ST8SIA2: variants seen among roughly 807,000 people sequenced by gnomAD.
ST8SIA2 encodes ST8 alpha-N-acetyl-neuraminide alpha-2,8-sialyltransferase 2.
In ST8SIA2, 22 loss-of-function variants were observed where a neutral mutation model predicts 37.6. The observed-to-expected ratio is 0.58, with a 90% CI of 0.42 to 0.83. The LOEUF (loss-of-function observed/expected upper bound fraction) is 0.83, where lower values mean the gene tolerates loss of function less well. ST8SIA2 is among the 40% of genes least tolerant of loss of function. The pLI, the probability that ST8SIA2 is intolerant of heterozygous loss-of-function variation, is 0.00. For missense variants in ST8SIA2, 382 were observed against 484.7 expected (o/e 0.79, Z 1.99); for synonymous variants, 205 against 201.2 (o/e 1.02, Z -0.16).
intron 5 of ST8SIA2, among the ~76,000 whole-genome samples, chr15:92,451,150 G>A (rs997917431): frequency 2.6e-5 from 4 of 152,130 alleles, no homozygotes; most frequent in Non-Finnish European, 5.9e-5. Flanking sequence ...TTTGTATGAG[G>A]CCACCCAGCA....
At chr15:92,449,764 A>AT (rs1394414782) in intron 5 of ST8SIA2, among the ~76,000 whole-genome samples, 4 of 152,008 alleles carry the variant, frequency 2.6e-5, no homozygotes, top group Non-Finnish European at 5.9e-5. Flanking sequence ...GGTGAGCAGC[A>AT]TTTTTTCATG....
intron 5 of ST8SIA2, among the ~76,000 whole-genome samples, chr15:92,452,117 G>A (rs2141845099): frequency 6.6e-6 from 1 of 152,292 alleles, no homozygotes; most frequent in Non-Finnish European, 1.5e-5. Context: ...CTTTTACTTG[G>A]ATAGGGGAAC....
intron 1 of ST8SIA2, among the ~76,000 whole-genome samples, chr15:92,402,553 G>C (rs2049479259): frequency 6.6e-6 from 1 of 152,132 alleles, no homozygotes; most frequent in South Asian, 2.1e-4. Flanking sequence ...TATTTTCAAG[G>C]AATAAGCCTT....
At chr15:92,447,856 C>G (rs184015675) in intron 5 of ST8SIA2, among the ~76,000 whole-genome samples, 6 of 152,306 alleles carry the variant, frequency 3.9e-5, no homozygotes, top group African/African-American at 1.2e-4. Context: ...TTCACTTCAT[C>G]CCTGTCAGAG....
At chr15:92,394,468 G>A (rs1482594071) in intron 1 of ST8SIA2, among the ~76,000 whole-genome samples, 1 of 152,130 alleles carries the variant, frequency 6.6e-6, no homozygotes, top group Non-Finnish European at 1.5e-5. Flanking sequence ...GCGCAGTGTC[G>A]CCGGGGTCGA....
intron 5 of ST8SIA2, among the ~76,000 whole-genome samples, chr15:92,447,062 T>A (rs1462185999): frequency 2.0e-5 from 3 of 152,130 alleles, no homozygotes; most frequent in Non-Finnish European, 4.4e-5. Context: ...GCTGGAATAT[T>A]TGTTGGGAAG....
In ST8SIA2 at chr15:92,464,391, G is replaced by C. The variant is rs757463512; in HGVS notation, c.*6G>C. 1 of 1,613,002 alleles carries C rather than the reference G, an allele frequency of 6.2e-7. No homozygotes were observed. The highest frequency in any genetic ancestry group is 8.5e-7 in the Non-Finnish European group (1 of 1,180,030). The stretch of plus-strand genomic sequence containing the variant: ...AGTGCGATGGGGCCACGTAGGGTGG[G>C]CACCCCATGGGACTCAGTGGCTCAC... On this transcript the variant is annotated 3_prime_UTR_variant, in exon 6 of 6. Transcript: ENST00000268164.
chr15:92,422,838 G>C (rs1230810287), intron 1 of ST8SIA2: 1 of 152,538 alleles, frequency 6.6e-6, no homozygotes, highest in Non-Finnish European at 1.5e-5. Context: ...TTGTCAGCTG[G>C]TGGGACCTCT....
chr15:92,431,536 A>G (rs2049715815), intron 2 of ST8SIA2, among the ~76,000 whole-genome samples: 1 of 152,198 alleles, frequency 6.6e-6, no homozygotes, highest in Non-Finnish European at 1.5e-5. Flanking sequence ...GCATGAAAAG[A>G]AGGTCACTGG....
chr15:92,409,286 T>C (rs2049532226), intron 1 of ST8SIA2, among the ~76,000 whole-genome samples: 1 of 152,160 alleles, frequency 6.6e-6, no homozygotes, highest in Admixed American at 6.5e-5. Context: ...GGTTTTCAAA[T>C]CAATGCTGGT....
chr15:92,464,072 C>CTT (rs34156050), intron 5 of ST8SIA2, 28 bp from the exon 6 acceptor site: 115,953 of 1,213,968 alleles, frequency 0.096, 364 homozygotes, highest in Non-Finnish European at 0.098. Context: ...TGTTTCTTTT[C>CTT]TTTTTTTTTT....
chr15:92,456,665 G>A (rs1596250271), intron 5 of ST8SIA2, among the ~76,000 whole-genome samples: 3 of 152,194 alleles, frequency 2.0e-5, no homozygotes, highest in Non-Finnish European at 4.4e-5. Context: ...CACATAGGAC[G>A]TGTCATGGAA....
chr15:92,416,133 C>T (rs757322664), intron 1 of ST8SIA2, among the ~76,000 whole-genome samples: 1 of 146,386 alleles, frequency 6.8e-6, no homozygotes. Flanking sequence ...GCAGATAAGA[C>T]GGAGGCACAG....
chr15:92,404,499 A>C (rs929343608), intron 1 of ST8SIA2, among the ~76,000 whole-genome samples: 1 of 150,864 alleles, frequency 6.6e-6, no homozygotes, highest in Admixed American at 6.6e-5. Flanking sequence ...TGGTCCAGCA[A>C]TTCCACTTCT....
intron 1 of ST8SIA2, among the ~76,000 whole-genome samples, chr15:92,413,395 T>A (rs972111323): frequency 6.6e-6 from 1 of 152,226 alleles, no homozygotes; most frequent in Non-Finnish European, 1.5e-5. Flanking sequence ...TCAGTCTGAA[T>A]ATTCTGCGAG....
intron 1 of ST8SIA2, among the ~76,000 whole-genome samples, chr15:92,416,802 T>C (rs1019133016): frequency 1.3e-5 from 2 of 151,558 alleles, no homozygotes; most frequent in African/African-American, 4.9e-5. Context: ...GAAAAAAAAA[T>C]GCACATGTCC....
intron 1 of ST8SIA2, among the ~76,000 whole-genome samples, chr15:92,395,273 G>T (rs542741615): frequency 2.0e-5 from 3 of 152,338 alleles, no homozygotes; most frequent in Admixed American, 2.0e-4. Flanking sequence ...CGCTCTTCTC[G>T]AGTCCCGCGC....
rs1344409865 is a variant in ST8SIA2 at position 92,394,068 on chromosome 15, C to T, written c.4C>T (p.Gln2Ter). The change falls in exon 1 of 6, where the codon CAG becomes TAG. Residue 2 changes from glutamine (Q) to a stop codon, truncating the protein, a stop_gained. Coordinates refer to ENST00000268164, the MANE Select transcript of ST8SIA2 (RefSeq NM_006011.4). LOFTEE classifies it high-confidence loss of function. ...TCCCGGCGGGCGCGAACCCACCATGCAGCTGCAGTTCCGGAGCTGGATGCT... is the reference window on the plus strand; with the variant it reads ...TCCCGGCGGGCGCGAACCCACCATGTAGCTGCAGTTCCGGAGCTGGATGCT... M[Q>*]LQFRSWMLAA... is the part of the protein sequence containing the mutation. 2 of 1,551,588 alleles carry T rather than the reference C, an allele frequency of 1.3e-6. No individual in the cohort carries two copies. The highest frequency in any genetic ancestry group is 1.7e-6 in the Non-Finnish European group (2 of 1,146,956).
At chr15:92,422,226 C>G (rs2049640330) in intron 1 of ST8SIA2, 1 of 152,168 alleles carries the variant, frequency 6.6e-6, no homozygotes. Context: ...TGGACAATAG[C>G]CTCTAGTTCT....
Sources: gnomAD v4.1 joint callset for allele counts (sites outside exome capture counted in the v4.1 genomes callset) on GRCh38, gnomAD v4.1.1 for gene constraint, MANE v1.5 for transcripts, NCBI Gene and HGNC (gene_info 2026-07-23, HGNC 2026-07-21) for gene names.